EEIG2: variants seen among roughly 807,000 people sequenced by gnomAD.
EEIG2 encodes the protein EEIG family member 2.
chr1:108,616,565 A>T, the EEIG2 span: 1 of 604,270 alleles, frequency 1.7e-6, no homozygotes, highest in Non-Finnish European at 2.8e-6. Context: ...TGGGAGACTG[A>T]CCTGACCCTC....
the EEIG2 span, chr1:108,635,338 C>A: frequency 1.5e-6 from 1 of 655,024 alleles, no homozygotes; most frequent in East Asian, 2.8e-5. Flanking sequence ...ATCTACATGG[C>A]AGTCTCCAGG....
the EEIG2 span, among the ~76,000 whole-genome samples, chr1:108,588,850 GT>G: frequency 1.3e-5 from 2 of 149,418 alleles, no homozygotes; most frequent in East Asian, 3.9e-4. Context: ...GGGGACATAC[GT>G]TTTTTTAATG....
chr1:108,570,503 T>C, the EEIG2 span, among the ~76,000 whole-genome samples: 14 of 151,980 alleles, frequency 9.2e-5, no homozygotes, highest in Non-Finnish European at 5.9e-5. Flanking sequence ...CCAAGAAAGG[T>C]AGAATAAGGG....
chr1:108,621,307 A>G, the EEIG2 span, among the ~76,000 whole-genome samples: 1 of 152,346 alleles, frequency 6.6e-6, no homozygotes, highest in East Asian at 1.9e-4. Flanking sequence ...TATTTATTCA[A>G]CAAGACTGAG....
the EEIG2 span, chr1:108,616,478 A>T: frequency 6.6e-6 from 8 of 1,211,094 alleles, no homozygotes; most frequent in Non-Finnish European, 9.5e-6. Context: ...TATAAGAAAG[A>T]TTTATTTGTT....
chr1:108,587,090 T>C, the EEIG2 span, among the ~76,000 whole-genome samples: 1 of 152,158 alleles, frequency 6.6e-6, no homozygotes, highest in South Asian at 2.1e-4. Context: ...CTAAGAGTTA[T>C]CTTTCTTTCT....
chr1:108,567,714 C>T, the EEIG2 span, among the ~76,000 whole-genome samples: 255 of 152,218 alleles, frequency 1.7e-3, no homozygotes, highest in African/African-American at 5.9e-3. Flanking sequence ...TAAAATGCAG[C>T]GAGGCATTTT....
the EEIG2 span, among the ~76,000 whole-genome samples, chr1:108,569,518 G>A: frequency 6.6e-6 from 1 of 152,106 alleles, no homozygotes; most frequent in African/African-American, 2.4e-5. Flanking sequence ...TAGAGATGTG[G>A]TCTTGCTATG....
the EEIG2 span, among the ~76,000 whole-genome samples, chr1:108,611,926 T>TAC: frequency 5.3e-5 from 8 of 152,094 alleles, no homozygotes; most frequent in Non-Finnish European, 8.8e-5. Flanking sequence ...AGAAAAAATA[T>TAC]ATTTACCACA....
chr1:108,573,007 A>G, the EEIG2 span, among the ~76,000 whole-genome samples: 1 of 152,294 alleles, frequency 6.6e-6, no homozygotes, highest in Non-Finnish European at 1.5e-5. Context: ...ATTCATCTAC[A>G]TATCTTAGTT....
chr1:108,624,631 A>G, the EEIG2 span: 7 of 1,610,394 alleles, frequency 4.3e-6, no homozygotes, highest in African/African-American at 2.7e-5. Context: ...CAGTTCGTAA[A>G]TGTTTATTTA....
chr1:108,625,063 C>G, the EEIG2 span: 1 of 224,952 alleles, frequency 4.4e-6, no homozygotes, highest in Non-Finnish European at 8.8e-6. Context: ...CAGCTTCTGC[C>G]TCTCGGGTGT....
At chr1:108,570,783 A>G in the EEIG2 span, among the ~76,000 whole-genome samples, 1 of 152,192 alleles carries the variant, frequency 6.6e-6, no homozygotes, top group South Asian at 2.1e-4. Flanking sequence ...AGAATCAGTA[A>G]TGGGGTCCAG....
chr1:108,594,876 A>C, the EEIG2 span, among the ~76,000 whole-genome samples: 1,436 of 152,206 alleles, frequency 9.4e-3, 23 homozygotes, highest in African/African-American at 0.033. Context: ...GAAGTTTCTT[A>C]ATCTCTTGTT....
At chr1:108,605,340 C>T in the EEIG2 span, among the ~76,000 whole-genome samples, 1 of 152,082 alleles carries the variant, frequency 6.6e-6, no homozygotes, top group Non-Finnish European at 1.5e-5. Context: ...CCTGAAATCA[C>T]TGAAGCAGGG....
the EEIG2 span, chr1:108,629,920 T>C: frequency 7.1e-6 from 3 of 419,682 alleles, no homozygotes; most frequent in South Asian, 2.3e-5. Flanking sequence ...CAGTAGACCA[T>C]TGGGAAAGTT....
At chr1:108,635,036 G>T in the EEIG2 span, 1 of 1,506,482 alleles carries the variant, frequency 6.6e-7, no homozygotes, top group Admixed American at 1.7e-5. Context: ...TCTCTCCAGG[G>T]GTAAGGTTAC....
At chr1:108,598,060 C>A in the EEIG2 span, among the ~76,000 whole-genome samples, 147,921 of 152,274 alleles carry the variant, frequency 0.97, 71,981 homozygotes, top group Non-Finnish European at 1. Context: ...GGCCGGACAC[C>A]GTGGCTCACA....
the EEIG2 span, among the ~76,000 whole-genome samples, chr1:108,576,418 G>T: frequency 7.1e-6 from 1 of 140,368 alleles, no homozygotes; most frequent in Non-Finnish European, 1.5e-5. Context: ...CTAGCATTAG[G>T]TATATCTCCC....
Sources: allele counts gnomAD v4.1 joint callset (sites outside exome capture counted in the v4.1 genomes callset), GRCh38; gene constraint gnomAD v4.1.1; transcripts MANE v1.5; gene names NCBI Gene and HGNC (gene_info 2026-07-23, HGNC 2026-07-21).